The following TCERG1L variants were observed in gnomAD, a reference collection of about 807,000 sequenced individuals.
TCERG1L encodes the protein transcription elongation regulator 1-like protein.
TCERG1L carries 37 observed loss-of-function variants against 56.3 expected under a neutral mutation model. That is an observed-to-expected ratio of 0.66 (90% CI 0.51 to 0.87). The LOEUF (loss-of-function observed/expected upper bound fraction) is 0.87. Ranked by LOEUF, TCERG1L falls within the 40% of genes least tolerant of loss-of-function variation. The pLI is 0.00. For synonymous variants in TCERG1L, 324 were observed against 326.3 expected (o/e 0.99, Z 0.08); for missense variants, 799 against 774.2 (o/e 1.03, Z -0.38).
intron 4 of TCERG1L, among the ~76,000 whole-genome samples, chr10:131,198,115 G>A (rs1845387642): frequency 1.3e-5 from 2 of 152,240 alleles, no homozygotes; most frequent in African/African-American, 4.8e-5. Flanking sequence ...GCCCATGGGT[G>A]CAGCGCTGCT....
In TCERG1L at chr10:131,166,805, C is replaced by G. The variant is rs1158407048; in HGVS notation, c.937G>C (p.Glu313Gln). Reference sequence around the variant, plus strand: ...CGAGCCCCGAAACTGACCTTGTCTTCTTTGTCTCCATCCCGGCTCTTCTGG... The same window carrying G: ...CGAGCCCCGAAACTGACCTTGTCTTGTTTGTCTCCATCCCGGCTCTTCTGG... The part of the protein sequence containing the change: ...RAQKSRDGDK[E>Q]DKEPPPMLGG... The change falls in exon 5 of 12, where the codon GAA becomes CAA. Residue 313 changes from glutamate (E) to glutamine (Q), a missense_variant. Glu to Gln is a conservative substitution (Grantham distance 29). Transcript: ENST00000368642. 6.2e-7 allele frequency: 1 copy of G among 1,613,902 alleles called. No individual in the cohort carries two copies. Among genetic ancestry groups the G allele is most frequent in the African/African-American group, 1.3e-5 (1 of 74,950 alleles).
At chr10:131,143,541 C>T (rs1029611307) in intron 7 of TCERG1L, among the ~76,000 whole-genome samples, 5 of 152,156 alleles carry the variant, frequency 3.3e-5, no homozygotes, top group African/African-American at 7.2e-5. Context: ...GCAAGCAGAG[C>T]GGGCCAAGGT....
chr10:131,154,592 C>G (rs919286244), intron 6 of TCERG1L, among the ~76,000 whole-genome samples: 9 of 152,210 alleles, frequency 5.9e-5, no homozygotes, highest in Non-Finnish European at 7.3e-5. Flanking sequence ...GGTTTTGTAT[C>G]TGGGAAGGGC....
At chr10:131,132,200 C>T (rs2133402592) in intron 8 of TCERG1L, among the ~76,000 whole-genome samples, 1 of 152,236 alleles carries the variant, frequency 6.6e-6, no homozygotes, top group East Asian at 1.9e-4. Flanking sequence ...GTGCTCAGTC[C>T]TCGGGCTGAC....
chr10:131,107,956 T>TACACACACACACACACAC (rs59364659), intron 9 of TCERG1L, among the ~76,000 whole-genome samples: 8 of 146,766 alleles, frequency 5.5e-5, no homozygotes, highest in Non-Finnish European at 7.5e-5. Context: ...CATGTGTGCC[T>TACACACACACACACACAC]ACACACACAC....
intron 4 of TCERG1L, among the ~76,000 whole-genome samples, chr10:131,230,843 A>G (rs1177224929): frequency 6.6e-6 from 1 of 152,140 alleles, no homozygotes; most frequent in Non-Finnish European, 1.5e-5. Context: ...GCGGCTCTGG[A>G]CAGATGTGCA....
At chr10:131,166,909 T>C (rs1846037872) in intron 4 of TCERG1L, 24 bp from the exon 5 acceptor site, 12 of 1,592,792 alleles carry the variant, frequency 7.5e-6, no homozygotes, top group Non-Finnish European at 1.0e-5. Flanking sequence ...GCAGTTGTCA[T>C]TAACATTTCA....
intron 11 of TCERG1L, among the ~76,000 whole-genome samples, chr10:131,097,370 C>CGGAGA: frequency 6.6e-6 from 1 of 152,020 alleles, no homozygotes. Context: ...TTCTTTGAGA[C>CGGAGA]GGAGACTCAC....
chr10:131,177,446 T>C (rs938164507), intron 4 of TCERG1L, among the ~76,000 whole-genome samples: 15 of 152,212 alleles, frequency 9.9e-5, no homozygotes, highest in Non-Finnish European at 1.9e-4. Context: ...AAGCAAAATG[T>C]CAGTATTGTG....
At chr10:131,280,928 G>A (rs1167870281) in intron 3 of TCERG1L, among the ~76,000 whole-genome samples, 1 of 152,078 alleles carries the variant, frequency 6.6e-6, no homozygotes, top group African/African-American at 2.4e-5. Flanking sequence ...GCTATCCATG[G>A]AACCTGATCA....
rs1845194779 is a variant in TCERG1L at position 131,092,937 on chromosome 10, A to G, written c.*225T>C. 2.1e-6 allele frequency: 1 copy of G among 480,734 alleles called. No homozygotes were observed. Among genetic ancestry groups the G allele is most frequent in the Non-Finnish European group, 3.7e-6 (1 of 273,330 alleles). The allele number at this position is 480,734 out of a possible 1,614,324, so 29.8% of individuals were successfully genotyped here. ...TTTGCATAATTAAAACAATTAAGGGATCGACGTATCACGGTGATTAGAAAT... is the reference window on the plus strand; with the variant it reads ...TTTGCATAATTAAAACAATTAAGGGGTCGACGTATCACGGTGATTAGAAAT... On this transcript the variant is annotated 3_prime_UTR_variant, in exon 12 of 12. Coordinates refer to ENST00000368642, the MANE Select transcript of TCERG1L (RefSeq NM_174937.4).
chr10:131,183,219 T>G (rs1845199612), intron 4 of TCERG1L, among the ~76,000 whole-genome samples: 1 of 152,194 alleles, frequency 6.6e-6, no homozygotes. Flanking sequence ...CTTCTCTGAC[T>G]TAAAGCATAG....
chr10:131,253,697 G>T (rs1486227026), intron 4 of TCERG1L, among the ~76,000 whole-genome samples: 1 of 152,144 alleles, frequency 6.6e-6, no homozygotes, highest in Non-Finnish European at 1.5e-5. Flanking sequence ...ATCTCATAGA[G>T]AACACAGAGA....
intron 3 of TCERG1L, among the ~76,000 whole-genome samples, chr10:131,276,695 T>C (rs1237576312): frequency 6.6e-6 from 1 of 152,078 alleles, no homozygotes; most frequent in Non-Finnish European, 1.5e-5. Context: ...CTCATCAAGA[T>C]ACCAAATATG....
intron 4 of TCERG1L, among the ~76,000 whole-genome samples, chr10:131,230,655 C>T (rs1278922985): frequency 6.6e-6 from 1 of 152,174 alleles, no homozygotes; most frequent in Admixed American, 6.5e-5. Flanking sequence ...GTCTGTGGCT[C>T]GGGTCCACTA....
At chr10:131,151,577 G>A (rs1416019643) in intron 6 of TCERG1L, among the ~76,000 whole-genome samples, 4 of 152,230 alleles carry the variant, frequency 2.6e-5, no homozygotes, top group South Asian at 2.1e-4. Context: ...TTGCTTTCAC[G>A]GGCTGTTGTT....
intron 4 of TCERG1L, among the ~76,000 whole-genome samples, chr10:131,214,123 G>A (rs1349762161): frequency 6.6e-6 from 1 of 152,182 alleles, no homozygotes; most frequent in East Asian, 1.9e-4. Context: ...CTTGAAGAAT[G>A]TAGAAATGCA....
At chr10:131,292,333 AAC>A (rs1589775087) in intron 3 of TCERG1L, among the ~76,000 whole-genome samples, 1 of 152,206 alleles carries the variant, frequency 6.6e-6, no homozygotes, top group African/African-American at 2.4e-5. Context: ...TTTTCTTATA[AAC>A]ACACAGAGAT....
In TCERG1L at chr10:131,193,017, G is replaced by GATAA. The variant is rs146277373; in HGVS notation, c.857-26136_857-26133dup. ...ACTCCAGAAGCTATTGAAATAAAAT[G>GATAA]ATAAATAAATAAATAAATAAATAAT... On this transcript the variant is annotated intron_variant, in intron 4 of 11. Transcript: ENST00000368642. Among the ~76,000 whole-genome samples, 1,274 of 152,050 alleles carry GATAA rather than the reference G, an allele frequency of 8.4e-3. 33 individuals are homozygous for GATAA. In the South Asian group the frequency reaches 0.095, roughly 11 times the overall value.
Sources: allele counts gnomAD v4.1 joint callset (sites outside exome capture counted in the v4.1 genomes callset), GRCh38; gene constraint gnomAD v4.1.1; transcripts MANE v1.5; gene names NCBI Gene and HGNC (gene_info 2026-07-23, HGNC 2026-07-21).